NIPA2: variants seen among roughly 807,000 people sequenced by gnomAD.
NIPA2 encodes the protein magnesium transporter NIPA2.
NIPA2 carries 11 observed loss-of-function variants against 29.7 expected under a neutral mutation model. The observed-to-expected ratio is 0.37, with a 90% CI of 0.23 to 0.61. The LOEUF (loss-of-function observed/expected upper bound fraction) is 0.61, where lower values mean the gene tolerates loss of function less well. Ranked by LOEUF, NIPA2 falls within the 20% of genes least tolerant of loss-of-function variation. NIPA2 has a pLI of 0.66. For missense variants in NIPA2, 426 were observed against 437.9 expected, an observed-to-expected ratio of 0.97 and a Z score of 0.24; for synonymous variants, 183 against 161.9, an observed-to-expected ratio of 1.13 and a Z score of -0.99.
chr15:22,865,589 G>C (rs2058972930), intron 7 of NIPA2, among the ~76,000 whole-genome samples: 1 of 152,144 alleles, frequency 6.6e-6, no homozygotes, highest in African/African-American at 2.4e-5. Flanking sequence ...ATCCGAAAAT[G>C]CAGGTGGTAG....
In NIPA2 at chr15:22,859,408, A is replaced by G. The variant is rs534858557; in HGVS notation, c.287+778A>G. On this transcript the variant is annotated intron_variant, in intron 6 of 7. Coordinates refer to ENST00000337451, the MANE Select transcript of NIPA2 (RefSeq NM_030922.7). The stretch of plus-strand genomic sequence containing the variant: ...CCCGGGTTCACACCATTCTCCTGCC[A>G]CAGCCTCCCGAGTAGCTGGGACTAC... 6.2e-5 allele frequency among the ~76,000 whole-genome samples: 9 copies of G among 144,512 alleles called. No homozygotes were observed. The East Asian group carries it at 1.9e-3, about 30-fold the overall frequency. The allele number at this position is 144,512 out of a possible 152,430, so 94.8% of individuals were successfully genotyped here. A position where few individuals can be genotyped will look rare whatever the true frequency, so the allele number is the denominator to read the frequency against.
chr15:22,840,709 A>G (rs1896849603), intron 2 of NIPA2, among the ~76,000 whole-genome samples: 1 of 152,166 alleles, frequency 6.6e-6, no homozygotes, highest in Non-Finnish European at 1.5e-5. Flanking sequence ...AGGTTTCCTT[A>G]GCTGTAAAGT....
At chr15:22,840,880 C>T (rs1462654674) in intron 2 of NIPA2, among the ~76,000 whole-genome samples, 1 of 152,012 alleles carries the variant, frequency 6.6e-6, no homozygotes, top group African/African-American at 2.4e-5. Context: ...ATGGTTTACT[C>T]ATATTTAAAA....
At chr15:22,841,562 G>A (rs962704090) in intron 2 of NIPA2, among the ~76,000 whole-genome samples, 3 of 152,128 alleles carry the variant, frequency 2.0e-5, no homozygotes, top group African/African-American at 7.2e-5. Flanking sequence ...AGGCTAGAGT[G>A]CAGCTGTGCG....
chr15:22,851,609 G>A (rs2057748238), intron 3 of NIPA2, 30 bp from the exon 4 acceptor site: 1 of 753,426 alleles, frequency 1.3e-6, no homozygotes, highest in Non-Finnish European at 2.0e-6. Flanking sequence ...AGCATTCTGT[G>A]AAAACCACAT....
intron 1 of NIPA2, among the ~76,000 whole-genome samples, chr15:22,839,351 T>G (rs1813266292): frequency 6.6e-6 from 1 of 152,224 alleles, no homozygotes; most frequent in Non-Finnish European, 1.5e-5. Context: ...GTTTGGTGTT[T>G]GTGCCTCCTT....
At chr15:22,857,836 CAAAAAAAAAAAAAA>C (rs60523225) in intron 5 of NIPA2, among the ~76,000 whole-genome samples, 1 of 68,794 alleles carries the variant, frequency 1.5e-5, no homozygotes, top group African/African-American at 5.0e-5. Context: ...GACTCCATCT[CAAAAAAAAAAAAAA>C]AAAAAAAAGG....
intron 6 of NIPA2, among the ~76,000 whole-genome samples, chr15:22,859,426 G>A (rs2058458479): frequency 1.3e-5 from 2 of 151,614 alleles, no homozygotes; most frequent in East Asian, 2.0e-4. Context: ...CCGAGTAGCT[G>A]GGACTACAGG....
chr15:22,849,227 G>T (rs1001963712), intron 3 of NIPA2, among the ~76,000 whole-genome samples: 1 of 152,154 alleles, frequency 6.6e-6, no homozygotes, highest in Non-Finnish European at 1.5e-5. Flanking sequence ...CTTGAGGCTT[G>T]AGATGACCAG....
rs540327472 is a variant in NIPA2 at position 22,852,446 on chromosome 15, G to C, written c.139+576G>C. ...ATGGCACCACTGCACTCCAGCCTGG[G>C]TGACAGAGTGAGACTCCGTCTAAAA... is the stretch of plus-strand genomic sequence containing the variant. On this transcript the variant is annotated intron_variant, in intron 4 of 7. Coordinates refer to ENST00000337451, the MANE Select transcript of NIPA2 (RefSeq NM_030922.7). 3.0e-3 allele frequency among the ~76,000 whole-genome samples: 441 copies of C among 148,206 alleles called. 3 individuals carry two copies. Among genetic ancestry groups the C allele is most frequent in the African/African-American group, 0.011 (429 of 40,262 alleles).
chr15:22,859,043 G>A (rs1203290878), intron 6 of NIPA2, among the ~76,000 whole-genome samples: 3 of 151,892 alleles, frequency 2.0e-5, no homozygotes, highest in South Asian at 2.1e-4. Flanking sequence ...GCGTGGTGGC[G>A]GGCACCTGTA....
chr15:22,856,883 T>A lies in NIPA2; in HGVS notation c.197-1657T>A, dbSNP rs560457054. On this transcript the variant is annotated intron_variant, in intron 5 of 7. Transcript: ENST00000337451. ...TGGAAAAAGCAGTAGCCAAGAGGGA[T>A]CCTTTTGTGAGATCATGCCTCTGCC... Among the ~76,000 whole-genome samples the A allele has an allele frequency of 2.0e-5, 3 of 152,254 alleles. No homozygotes were observed. The South Asian group carries it at 6.2e-4, about 32-fold the overall frequency.
At position 22,858,568 on chromosome 15, in the gene NIPA2, T is replaced by C. The variant is rs2141403173; in HGVS notation, c.225T>C (p.Ala75=). The part of the protein sequence containing the change: ...SMGAGEVANF[A]AYAFAPATLV... ...GAGCTGGTGAGGTGGCCAACTTCGC[T>C]GCGTATGCGTTTGCACCAGCCACTC... The change falls in exon 6 of 8, where the codon GCT becomes GCC. Residue 75 remains alanine (A), a synonymous_variant. Transcript: ENST00000337451. 1 of 1,607,350 alleles carries C rather than the reference T, an allele frequency of 6.2e-7. No individual in the cohort carries two copies. The highest frequency in any genetic ancestry group is 8.5e-7 in the Non-Finnish European group (1 of 1,175,992).
rs961985351 is a variant in NIPA2, at chr15:22,867,455, G to A, written c.*608G>A. On this transcript the variant is annotated 3_prime_UTR_variant, in exon 8 of 8. Transcript: ENST00000337451. The stretch of plus-strand genomic sequence containing the variant: ...AGGTTGAGATGATCACCGTGAATCC[G>A]GCTTCCTCTGAGCATTCGATGGCCT... 2.9e-6 allele frequency: 1 copy of A among 347,572 alleles called. No individual in the cohort carries two copies. The highest frequency in any genetic ancestry group is 1.5e-4 in the South Asian group (1 of 6,530). 21.5% of individuals were successfully genotyped at this position (347,572 alleles called of 1,614,324 possible).
chr15:22,851,127 T>C (rs2057706462), intron 3 of NIPA2, among the ~76,000 whole-genome samples: 1 of 152,198 alleles, frequency 6.6e-6, no homozygotes, highest in South Asian at 2.1e-4. Flanking sequence ...TGTTACCCTC[T>C]GATAAATAAT....
At chr15:22,854,405 G>A (rs2058030145) in intron 5 of NIPA2, among the ~76,000 whole-genome samples, 1 of 151,552 alleles carries the variant, frequency 6.6e-6, no homozygotes, top group African/African-American at 2.4e-5. Flanking sequence ...GATTACAGGT[G>A]TGAGCCACCG....
At chr15:22,864,363 C>G (rs541145364) in intron 7 of NIPA2, among the ~76,000 whole-genome samples, 37 of 152,128 alleles carry the variant, frequency 2.4e-4, no homozygotes, top group Non-Finnish European at 4.3e-4. Context: ...ACCATGTTAG[C>G]CAGGATGGTC....
chr15:22,845,703 G>C (rs1318189708), intron 3 of NIPA2, among the ~76,000 whole-genome samples: 1 of 151,902 alleles, frequency 6.6e-6, no homozygotes, highest in East Asian at 1.9e-4. Flanking sequence ...AGGAGGGGAG[G>C]GCCTGTCTGA....
At position 22,860,612 on chromosome 15, in the gene NIPA2, T is replaced by C. The variant is rs1373205236; in HGVS notation, c.288-17T>C. 6.6e-7 allele frequency: 1 copy of C among 1,515,560 alleles called. No individual in the cohort carries two copies. The highest frequency in any genetic ancestry group is 1.4e-5 in the African/African-American group (1 of 70,258). The allele number at this position is 1,515,560 out of a possible 1,614,324, so 93.9% of individuals were successfully genotyped here. On this transcript the variant is annotated splice_polypyrimidine_tract_variant and intron_variant, in intron 6 of 7. Coordinates refer to ENST00000337451, the MANE Select transcript of NIPA2 (RefSeq NM_030922.7). ...TAGCTGATTAAAGTTCTCAATTTTT[T>C]TTCCTCCCCATTTTAGTGCCATTCT...
Sources: allele counts gnomAD v4.1 joint callset (sites outside exome capture counted in the v4.1 genomes callset), GRCh38; gene constraint gnomAD v4.1.1; transcripts MANE v1.5; gene names NCBI Gene and HGNC (gene_info 2026-07-23, HGNC 2026-07-21).